Variants in IL12RB2 observed in about 807,000 individuals in gnomAD.
The protein encoded by IL12RB2 is interleukin 12 receptor subunit beta 2.
A neutral mutation model predicts 89.4 loss-of-function variants in IL12RB2; 82 were observed. That is an observed-to-expected ratio of 0.92 (90% CI 0.77 to 1.10). The LOEUF (loss-of-function observed/expected upper bound fraction) is 1.10. Ranked by LOEUF, IL12RB2 falls within the 50% of genes least tolerant of loss-of-function variation. The pLI is 0.00. For synonymous variants in IL12RB2, 368 were observed against 370.1 expected (o/e 0.99, Z 0.07); for missense variants, 963 against 1,031.9 (o/e 0.93, Z 0.92).
intron 4 of IL12RB2, among the ~76,000 whole-genome samples, chr1:67,325,570 C>G (rs1657174458): frequency 6.6e-6 from 1 of 152,154 alleles, no homozygotes; most frequent in African/African-American, 2.4e-5. Flanking sequence ...CGAAAAGAGA[C>G]TTTTTTAAAG....
At chr1:67,368,346 C>T (rs777730065) in intron 11 of IL12RB2, among the ~76,000 whole-genome samples, 4 of 152,174 alleles carry the variant, frequency 2.6e-5, no homozygotes, top group Non-Finnish European at 5.9e-5. Flanking sequence ...CTTTATTTAT[C>T]ATAGCACACT....
intron 9 of IL12RB2, among the ~76,000 whole-genome samples, chr1:67,346,633 A>G (rs1660270592): frequency 6.6e-6 from 1 of 152,044 alleles, no homozygotes; most frequent in Admixed American, 6.6e-5. Flanking sequence ...TGATTTGCCC[A>G]CCTCAGCCTC....
chr1:67,338,398 T>C (rs1659111172), intron 8 of IL12RB2, among the ~76,000 whole-genome samples: 1 of 134,908 alleles, frequency 7.4e-6, no homozygotes, highest in Non-Finnish European at 1.6e-5. Flanking sequence ...AAATTCCTCA[T>C]CATTTTTTTT....
chr1:67,314,870 C>A (rs960675603), intron 2 of IL12RB2, among the ~76,000 whole-genome samples: 1 of 137,536 alleles, frequency 7.3e-6, no homozygotes, highest in Non-Finnish European at 1.6e-5. Flanking sequence ...TTGTTTTCAC[C>A]ATCTGGAAAC....
In IL12RB2 at chr1:67,397,179, A is replaced by G. The variant is rs1004341717; in HGVS notation, c.*1090A>G. Reference sequence around the variant, plus strand: ...ACCTTTTTCCTAGATTTGCTGGTTTATTGTTTTATTTTGGCTTCATCCTCT... The same window carrying G: ...ACCTTTTTCCTAGATTTGCTGGTTTGTTGTTTTATTTTGGCTTCATCCTCT... On this transcript the variant is annotated 3_prime_UTR_variant, in exon 17 of 17. Coordinates refer to ENST00000674203, the MANE Select transcript of IL12RB2 (RefSeq NM_001374259.2). Among the ~76,000 whole-genome samples the G allele has an allele frequency of 9.2e-5, 14 of 151,818 alleles. No individual in the cohort carries two copies. Among genetic ancestry groups the G allele is most frequent in the African/African-American group, 3.1e-4 (13 of 41,328 alleles).
Position 67,326,841 on chromosome 1 carries a change from T to C in IL12RB2, c.471T>C (p.Tyr157=), listed in dbSNP as rs781163232. Residue 157 remains tyrosine, a synonymous_variant, in exon 5 of 17, where the codon TAT becomes TAC. Coordinates refer to ENST00000674203, the MANE Select transcript of IL12RB2 (RefSeq NM_001374259.2). ...GAGACACCCACTTATACACTGAGTA[T>C]ACTCTACAGTGAGTGAGAGGCTGTA... is the stretch of plus-strand genomic sequence containing the variant. The part of the protein sequence containing the change: ...RGRDTHLYTE[Y]TLQLSGPKNL... 2 of 1,560,286 alleles carry C rather than the reference T, an allele frequency of 1.3e-6. No individual in the cohort carries two copies. The highest frequency in any genetic ancestry group is 2.2e-5 in the East Asian group (1 of 44,512).
rs1656332871 is a variant in IL12RB2 at position 67,320,385 on chromosome 1, G to A, written c.17G>A (p.Arg6Lys). The A allele has an allele frequency of 3.1e-6, 5 of 1,613,856 alleles. No individual in the cohort carries two copies. In the South Asian group the frequency reaches 5.5e-5, roughly 18 times the overall value. Reference sequence around the variant, plus strand: ...TGATTGTTGATGGCACATACTTTTAGAGGATGCTCATTGGCATTTATGTTT... The same window carrying A: ...TGATTGTTGATGGCACATACTTTTAAAGGATGCTCATTGGCATTTATGTTT... MAHTF[R>K]GCSLAFMFII... The change falls in exon 3 of 17, where the codon AGA becomes AAA. Residue 6 changes from arginine to lysine, a missense_variant. Physicochemically the swap from Arg to Lys is conservative, Grantham distance 26. Coordinates refer to ENST00000674203, the MANE Select transcript of IL12RB2 (RefSeq NM_001374259.2).
intron 15 of IL12RB2, among the ~76,000 whole-genome samples, chr1:67,388,863 A>G (rs1665506284): frequency 6.6e-6 from 1 of 152,224 alleles, no homozygotes; most frequent in Non-Finnish European, 1.5e-5. Context: ...TCATTCTACC[A>G]GCCATTGAAC....
chr1:67,332,683 GA>G (rs2100696755), intron 8 of IL12RB2, among the ~76,000 whole-genome samples: 1 of 152,174 alleles, frequency 6.6e-6, no homozygotes, highest in South Asian at 2.1e-4. Flanking sequence ...ACTATCTCAT[GA>G]ATTAGATTTT....
intron 15 of IL12RB2, among the ~76,000 whole-genome samples, chr1:67,388,624 G>A (rs1158030442): frequency 1.3e-5 from 2 of 152,134 alleles, no homozygotes; most frequent in Admixed American, 6.5e-5. Context: ...GATTACAGGC[G>A]TGAGCCACCG....
At chr1:67,390,757 G>C (rs1389858855) in intron 16 of IL12RB2, among the ~76,000 whole-genome samples, 1 of 152,130 alleles carries the variant, frequency 6.6e-6, no homozygotes, top group South Asian at 2.1e-4. Context: ...GGCCATCCCT[G>C]GTGGAGGGTC....
chr1:67,340,147 GTC>G (rs1659359206), intron 9 of IL12RB2, among the ~76,000 whole-genome samples: 1 of 152,062 alleles, frequency 6.6e-6, no homozygotes, highest in Non-Finnish European at 1.5e-5. Context: ...TCTCCTCCCT[GTC>G]TCTCTCACAC....
chr1:67,371,776 T>C (rs930469526), intron 11 of IL12RB2, among the ~76,000 whole-genome samples: 1 of 152,194 alleles, frequency 6.6e-6, no homozygotes, highest in Non-Finnish European at 1.5e-5. Context: ...ACCTTTTAAA[T>C]CTTCCAGGCT....
intron 16 of IL12RB2, among the ~76,000 whole-genome samples, chr1:67,393,601 G>T (rs1165862027): frequency 6.6e-6 from 1 of 152,192 alleles, no homozygotes; most frequent in South Asian, 2.1e-4. Flanking sequence ...CAGTCTCCCC[G>T]AAGTGAAACG....
At chr1:67,362,423 G>A (rs1354138962) in intron 10 of IL12RB2, among the ~76,000 whole-genome samples, 6 of 149,706 alleles carry the variant, frequency 4.0e-5, no homozygotes, top group Admixed American at 6.6e-5. Flanking sequence ...AAAATTAGCC[G>A]GGCGCGGTGG....
At chr1:67,384,256 T>C (rs1253580289) in intron 14 of IL12RB2, among the ~76,000 whole-genome samples, 1 of 152,218 alleles carries the variant, frequency 6.6e-6, no homozygotes, top group Non-Finnish European at 1.5e-5. Context: ...AAACCTGAAC[T>C]CTTGACCTCT....
intron 5 of IL12RB2, 109 bp downstream of exon 5, chr1:67,326,958 T>C (rs1263792811): frequency 3.5e-5 from 30 of 846,630 alleles, no homozygotes; most frequent in Non-Finnish European, 4.4e-5. Flanking sequence ...TTTATTTATT[T>C]ATTTATTTAT....
chr1:67,314,180 G>A (rs900974395), intron 2 of IL12RB2, among the ~76,000 whole-genome samples, 180 bp downstream of exon 2: 1 of 152,114 alleles, frequency 6.6e-6, no homozygotes, highest in Non-Finnish European at 1.5e-5. Flanking sequence ...GAGCAGCAGG[G>A]CACAGTAGTT....
At chr1:67,364,549 T>G (rs1662471185) in intron 10 of IL12RB2, among the ~76,000 whole-genome samples, 1 of 152,222 alleles carries the variant, frequency 6.6e-6, no homozygotes, top group African/African-American at 2.4e-5. Context: ...CAGTGGTAAC[T>G]GGGAGCATTA....
Sources: gnomAD v4.1 joint callset for allele counts (sites outside exome capture counted in the v4.1 genomes callset) on GRCh38, gnomAD v4.1.1 for gene constraint, MANE v1.5 for transcripts, NCBI Gene and HGNC (gene_info 2026-07-23, HGNC 2026-07-21) for gene names.